MEAK7: variants seen among roughly 807,000 people sequenced by gnomAD.
MEAK7 encodes the protein MTOR associated protein MEAK7.
A neutral mutation model predicts 40.5 loss-of-function variants in MEAK7; 68 were observed. The observed-to-expected ratio is 1.68, with a 90% CI of 1.38 to 2.06. MEAK7 has a LOEUF of 2.06. MEAK7 is among the 30% of genes most tolerant of loss of function. The pLI is 0.00. For missense variants in MEAK7, 918 were observed against 580.5 expected (o/e 1.58, Z -5.98); for synonymous variants, 338 against 231.9 (o/e 1.46, Z -4.16).
At chr16:84,490,600 GA>G (rs551772413) in intron 3 of MEAK7, among the ~76,000 whole-genome samples, 1 of 147,406 alleles carries the variant, frequency 6.8e-6, no homozygotes, top group Non-Finnish European at 1.5e-5. Context: ...GATTTAAAAT[GA>G]TTTTTTTAAA....
chr16:84,504,349 A>T (rs1181353667), intron 1 of MEAK7, among the ~76,000 whole-genome samples: 1 of 152,060 alleles, frequency 6.6e-6, no homozygotes, highest in Admixed American at 6.5e-5. Context: ...TGACCACATA[A>T]ACAGCGGGAG....
chr16:84,479,727 G>A lies in MEAK7; in HGVS notation c.*186C>T, dbSNP rs548262937. 301 of 419,188 alleles carry A rather than the reference G, an allele frequency of 7.2e-4. No homozygotes were observed. Among genetic ancestry groups the A allele is most frequent in the African/African-American group, 5.5e-3 (270 of 49,030 alleles). The allele number at this position is 419,188 out of a possible 1,614,324, so 26.0% of individuals were successfully genotyped here. A position where few individuals can be genotyped will look rare whatever the true frequency, so the allele number is the denominator to read the frequency against. Reference sequence around the variant, plus strand: ...AAACTTAAAAAACATCTATTTCTGGGAGATCCACCCATGAGTCAGGACATG... The same window carrying A: ...AAACTTAAAAAACATCTATTTCTGGAAGATCCACCCATGAGTCAGGACATG... On this transcript the variant is annotated 3_prime_UTR_variant, in exon 8 of 8. Coordinates refer to ENST00000343629, the MANE Select transcript of MEAK7 (RefSeq NM_020947.4).
Position 84,479,007 on chromosome 16 carries a change from T to C in MEAK7, c.*906A>G, listed in dbSNP as rs1912271096. On this transcript the variant is annotated 3_prime_UTR_variant, in exon 8 of 8. Transcript: ENST00000343629. ...TTGAAGTTAGCAAGAGAACCACAAC[T>C]TTGCTTCTCTGTAGACAGATCTCCC... 1 of 152,194 alleles carries C rather than the reference T, an allele frequency of 6.6e-6. No homozygotes were observed. The highest frequency in any genetic ancestry group is 2.1e-4 in the South Asian group (1 of 4,822). 9.4% of individuals were successfully genotyped at this position (152,194 alleles called of 1,614,324 possible).
intron 3 of MEAK7, 94 bp from the exon 4 acceptor site, chr16:84,489,516 C>G: frequency 7.2e-7 from 1 of 1,394,148 alleles, no homozygotes; most frequent in South Asian, 1.4e-5. Flanking sequence ...TCTTTAACAC[C>G]AACTATGATG....
chr16:84,500,098 AG>A (rs1305781569), intron 1 of MEAK7: 1 of 152,210 alleles, frequency 6.6e-6, no homozygotes, highest in Non-Finnish European at 1.5e-5. Flanking sequence ...CTTTTCATTT[AG>A]CATCGTGTTT....
At chr16:84,502,191 C>T (rs990508020) in intron 1 of MEAK7, among the ~76,000 whole-genome samples, 1 of 151,892 alleles carries the variant, frequency 6.6e-6, no homozygotes, top group African/African-American at 2.4e-5. Flanking sequence ...TGACAGCGCA[C>T]ATCAAGGTTG....
At chr16:84,490,393 C>CCCAGGT (rs1412568406) in intron 3 of MEAK7, among the ~76,000 whole-genome samples, 2 of 147,634 alleles carry the variant, frequency 1.4e-5, no homozygotes, top group Admixed American at 6.8e-5. Flanking sequence ...AACTAAAAGA[C>CCCAGGT]CCAGGGCAGC....
At chr16:84,502,074 G>T (rs1356554309) in intron 1 of MEAK7, among the ~76,000 whole-genome samples, 1 of 152,092 alleles carries the variant, frequency 6.6e-6, no homozygotes, top group Non-Finnish European at 1.5e-5. Context: ...AACCCAGGGG[G>T]CGGAGGTTGC....
Position 84,489,405 on chromosome 16 carries a change from A to G in MEAK7, c.402T>C (p.Val134=), listed in dbSNP as rs748485785. The part of the protein sequence containing the change: ...REVQKFTEDL[V]GSVVHVLSHR... ...GGCTTAGCACGTGCACCACAGAGCCAACCAGATCCTCTGTAAACTGTAAGA... is the reference window on the plus strand; with the variant it reads ...GGCTTAGCACGTGCACCACAGAGCCGACCAGATCCTCTGTAAACTGTAAGA... Residue 134 remains valine (V), a synonymous_variant, in exon 4 of 8, where the codon GTT becomes GTC. Transcript: ENST00000343629. The G allele has an allele frequency of 6.2e-7, 1 of 1,612,326 alleles. No homozygotes were observed. Among genetic ancestry groups the G allele is most frequent in the Non-Finnish European group, 8.5e-7 (1 of 1,179,150 alleles).
At chr16:84,485,829 G>A (rs1913003067) in intron 5 of MEAK7, among the ~76,000 whole-genome samples, 1 of 152,200 alleles carries the variant, frequency 6.6e-6, no homozygotes, top group Non-Finnish European at 1.5e-5. Context: ...TTACAGGCAT[G>A]CGCCACCACA....
intron 6 of MEAK7, among the ~76,000 whole-genome samples, chr16:84,481,444 G>A (rs1441040800): frequency 1.3e-5 from 2 of 152,204 alleles, no homozygotes; most frequent in Non-Finnish European, 2.9e-5. Context: ...TGCTGCCTGT[G>A]AGGCTGGCAC....
chr16:84,491,769 C>T (rs570246770), intron 3 of MEAK7, among the ~76,000 whole-genome samples: 28 of 146,108 alleles, frequency 1.9e-4, no homozygotes, highest in South Asian at 4.3e-4. Flanking sequence ...ACCCAGGAGG[C>T]GGAGCTTGCA....
chr16:84,494,642 T>C (rs886316630), intron 3 of MEAK7: 17 of 337,128 alleles, frequency 5.0e-5, no homozygotes, highest in African/African-American at 3.5e-4. Flanking sequence ...CTTCCCTTTT[T>C]TGTTTGTTGT....
chr16:84,494,580 C>T (rs1482132061), intron 3 of MEAK7: 1 of 226,952 alleles, frequency 4.4e-6, no homozygotes, highest in Non-Finnish European at 8.9e-6. Flanking sequence ...TACCTGCCTG[C>T]TGATATATGG....
At chr16:84,501,329 C>T (rs190941464) in intron 1 of MEAK7, among the ~76,000 whole-genome samples, 4 of 152,090 alleles carry the variant, frequency 2.6e-5, no homozygotes, top group Admixed American at 2.6e-4. Context: ...ACTCAGGGCA[C>T]GTGGGGGAGG....
In MEAK7 at chr16:84,482,688, G is replaced by C. The variant is rs767670687; in HGVS notation, c.981C>G (p.Phe327Leu). The change falls in exon 6 of 8, where the codon TTC (phenylalanine) becomes TTG (leucine). Residue 327 changes from phenylalanine to leucine, a missense_variant. Transcript: ENST00000343629. ...ACACAGCCATGCTGGGGCAGATGGA[G>C]AACAGGAAGCATCTGTTGTCCCCTG... ...QFQGDNRCFL[F>L]SICPSMAVYT... The C allele has an allele frequency of 1.2e-6, 2 of 1,614,216 alleles. No homozygotes were observed. Among genetic ancestry groups the C allele is most frequent in the East Asian group, 2.2e-5 (1 of 44,892 alleles).
chr16:84,484,274 A>G (rs538120760), intron 5 of MEAK7, among the ~76,000 whole-genome samples: 67 of 152,342 alleles, frequency 4.4e-4, no homozygotes, highest in African/African-American at 1.6e-3. Flanking sequence ...TTATCTGTGG[A>G]AAAAAGTGAC....
chr16:84,480,388 C>T, intron 7 of MEAK7, 141 bp downstream of exon 7: 1 of 1,061,918 alleles, frequency 9.4e-7, no homozygotes, highest in Non-Finnish European at 1.3e-6. Flanking sequence ...CTCCTGGCAT[C>T]CAAGCCAGCA....
rs897591217 is a variant in MEAK7, at chr16:84,476,812, C to T, written c.*3101G>A. 6.6e-6 allele frequency: 1 copy of T among 152,220 alleles called. No individual in the cohort carries two copies. Among genetic ancestry groups the T allele is most frequent in the African/African-American group, 2.4e-5 (1 of 41,440 alleles). 9.4% of individuals were successfully genotyped at this position (152,220 alleles called of 1,614,324 possible). On this transcript the variant is annotated 3_prime_UTR_variant, in exon 8 of 8. Coordinates refer to ENST00000343629, the MANE Select transcript of MEAK7 (RefSeq NM_020947.4). Reference sequence around the variant, plus strand: ...TTTTTGCATCAGTGCCTTTGCCTGTCAGGAGGGAAAATAGCTGGAGAAGAG... The same window carrying T: ...TTTTTGCATCAGTGCCTTTGCCTGTTAGGAGGGAAAATAGCTGGAGAAGAG...
Sources: allele counts gnomAD v4.1 joint callset (sites outside exome capture counted in the v4.1 genomes callset), GRCh38; gene constraint gnomAD v4.1.1; transcripts MANE v1.5; gene names NCBI Gene and HGNC (gene_info 2026-07-23, HGNC 2026-07-21).